Variants in TASP1 observed in about 807,000 individuals in gnomAD.
TASP1 encodes taspase 1.
TASP1 carries 16 observed loss-of-function variants against 56.6 expected under a neutral mutation model. The observed-to-expected ratio is 0.28, with a 90% CI of 0.19 to 0.43. TASP1 has a LOEUF of 0.43. Among genes scored for constraint, TASP1 ranks in the 20% least tolerant of loss-of-function variants. The probability of loss-of-function intolerance (pLI) is 1.00; values close to 1 mark genes in which losing one functional copy is unlikely to be tolerated. For missense variants in TASP1, 393 were observed against 511.6 expected (o/e 0.77, Z 2.24); for synonymous variants, 179 against 184.2 (o/e 0.97, Z 0.23).
the TASP1 span, among the ~76,000 whole-genome samples, chr20:13,157,839 G>A: frequency 6.6e-6 from 1 of 152,108 alleles, no homozygotes; most frequent in African/African-American, 2.4e-5. Context: ...TTGAAATAGG[G>A]CGTTAATTGT....
At chr20:13,542,588 C>T (rs945951142) in intron 8 of TASP1, among the ~76,000 whole-genome samples, 23 of 152,112 alleles carry the variant, frequency 1.5e-4, no homozygotes, top group Non-Finnish European at 2.6e-4. Flanking sequence ...ACTGATCACA[C>T]GTTAAACCAT....
intron 4 of TASP1, among the ~76,000 whole-genome samples, chr20:13,612,669 G>A (rs2048388361): frequency 1.3e-5 from 2 of 152,020 alleles, no homozygotes; most frequent in South Asian, 2.1e-4. Context: ...CCCACATAGG[G>A]AAAAGTTGAC....
the TASP1 span, among the ~76,000 whole-genome samples, chr20:13,293,600 C>G: frequency 6.6e-6 from 1 of 151,994 alleles, no homozygotes; most frequent in South Asian, 2.1e-4. Flanking sequence ...GTCAGGTAAG[C>G]ATCTCAGTAG....
intron 11 of TASP1, among the ~76,000 whole-genome samples, chr20:13,467,186 T>TAC (rs3042647): frequency 0.1 from 14,768 of 146,462 alleles, 732 homozygotes; most frequent in Admixed American, 0.16. Context: ...ACACATACAA[T>TAC]ACACACACAC....
At chr20:13,572,183 C>T (rs1385951616) in intron 6 of TASP1, among the ~76,000 whole-genome samples, 1 of 151,950 alleles carries the variant, frequency 6.6e-6, no homozygotes, top group Non-Finnish European at 1.5e-5. Context: ...CAACATATCT[C>T]AAGCATTTAG....
chr20:13,594,346 C>G (rs2047647657), intron 4 of TASP1, among the ~76,000 whole-genome samples: 2 of 152,170 alleles, frequency 1.3e-5, no homozygotes, highest in Admixed American at 1.3e-4. Context: ...TCTTCGCCAG[C>G]AATGGAACAA....
the TASP1 span, among the ~76,000 whole-genome samples, chr20:13,222,779 G>C: frequency 6.6e-6 from 1 of 152,186 alleles, no homozygotes; most frequent in Non-Finnish European, 1.5e-5. Flanking sequence ...GCCTTTCCTT[G>C]AGTCTAGGGG....
chr20:13,301,075 C>G, the TASP1 span, among the ~76,000 whole-genome samples: 4 of 152,348 alleles, frequency 2.6e-5, no homozygotes, highest in East Asian at 7.7e-4. Context: ...CTAGTATTCT[C>G]TCTACTGTAG....
At chr20:13,108,486 C>T in the TASP1 span, among the ~76,000 whole-genome samples, 1 of 152,284 alleles carries the variant, frequency 6.6e-6, no homozygotes, top group African/African-American at 2.4e-5. Flanking sequence ...TGAGCCTAGA[C>T]CAGTGAGTGA....
At chr20:13,511,454 T>G (rs2044322763) in intron 10 of TASP1, among the ~76,000 whole-genome samples, 1 of 152,160 alleles carries the variant, frequency 6.6e-6, no homozygotes, top group Non-Finnish European at 1.5e-5. Flanking sequence ...TGCTGTAATT[T>G]CCGTTAACTG....
the TASP1 span, among the ~76,000 whole-genome samples, chr20:13,203,030 C>T: frequency 6.6e-6 from 1 of 152,200 alleles, no homozygotes. Flanking sequence ...CTTCACTGGA[C>T]TCCCTAAACT....
At chr20:13,458,750 T>C (rs1046197244) in intron 11 of TASP1, among the ~76,000 whole-genome samples, 11 of 152,178 alleles carry the variant, frequency 7.2e-5, no homozygotes, top group Non-Finnish European at 1.5e-4. Flanking sequence ...CCTGTGGTTG[T>C]TGCATGTTCA....
chr20:13,545,643 A>G (rs1346844608), intron 8 of TASP1, among the ~76,000 whole-genome samples: 1 of 129,224 alleles, frequency 7.7e-6, no homozygotes, highest in Non-Finnish European at 1.8e-5. Flanking sequence ...TTGGTGTTAC[A>G]CATTTTTTTT....
chr20:13,265,635 G>C, the TASP1 span, among the ~76,000 whole-genome samples: 1 of 152,144 alleles, frequency 6.6e-6, no homozygotes, highest in Non-Finnish European at 1.5e-5. Flanking sequence ...AAGGAATGCT[G>C]GTTCCTTTTG....
intron 11 of TASP1, among the ~76,000 whole-genome samples, chr20:13,455,419 C>T (rs752764952): frequency 2.0e-5 from 3 of 152,010 alleles, no homozygotes; most frequent in Non-Finnish European, 4.4e-5. Context: ...GTTTGAAGCA[C>T]TAAGAAATAT....
the TASP1 span, among the ~76,000 whole-genome samples, chr20:13,232,226 A>G: frequency 1.3e-5 from 2 of 152,220 alleles, no homozygotes; most frequent in Admixed American, 6.5e-5. Context: ...AAATTTGACA[A>G]TACTGACACC....
chr20:13,431,148 T>C (rs926013951), intron 12 of TASP1, among the ~76,000 whole-genome samples: 3 of 126,746 alleles, frequency 2.4e-5, no homozygotes, highest in African/African-American at 8.1e-5. Context: ...ATTTTGGAAA[T>C]TGTTTTATTT....
the TASP1 span, among the ~76,000 whole-genome samples, chr20:13,128,890 T>C: frequency 1.3e-5 from 2 of 149,820 alleles, no homozygotes; most frequent in Admixed American, 1.3e-4. Context: ...TTTTTTTTTT[T>C]TTGGAGACAG....
At chr20:13,525,984 A>T (rs1261493438) in intron 10 of TASP1, among the ~76,000 whole-genome samples, 1 of 152,198 alleles carries the variant, frequency 6.6e-6, no homozygotes, top group Non-Finnish European at 1.5e-5. Context: ...AACTATCTTC[A>T]ACTGACACAG....
Sources: gnomAD v4.1 joint callset for allele counts (sites outside exome capture counted in the v4.1 genomes callset) on GRCh38, gnomAD v4.1.1 for gene constraint, MANE v1.5 for transcripts, NCBI Gene and HGNC (gene_info 2026-07-23, HGNC 2026-07-21) for gene names.